The following BAZ2B variants were observed in gnomAD, a reference collection of about 807,000 sequenced individuals.
BAZ2B encodes bromodomain adjacent to zinc finger domain protein 2B.
In BAZ2B, 91 loss-of-function variants were observed where a neutral mutation model predicts 246.0. That is an observed-to-expected ratio of 0.37 (90% CI 0.31 to 0.44). BAZ2B has a LOEUF of 0.44. Ranked by LOEUF, BAZ2B falls within the 20% of genes least tolerant of loss-of-function variation. The pLI is 1.00. For synonymous variants in BAZ2B, 855 were observed against 860.0 expected (o/e 0.99, Z 0.10); for missense variants, 2,332 against 2,533.7 (o/e 0.92, Z 1.71).
Position 159,433,296 on chromosome 2 carries a change from ACCT to A in BAZ2B, c.1358_1360del (p.Lys453_Val454delinsIle). 2 of 1,614,088 alleles carry A rather than the reference ACCT, an allele frequency of 1.2e-6. No individual in the cohort carries two copies. Among genetic ancestry groups the A allele is most frequent in the Middle Eastern group, 3.3e-4 (2 of 6,062 alleles). ...TTTTGGATTTGACAAAGCTGCAATA[ACCT>A]TCTTCAGGCTCTTCGATGACTCTTG... On this transcript the variant is annotated inframe_deletion, in exon 9 of 37. Coordinates refer to ENST00000392783, the MANE Select transcript of BAZ2B (RefSeq NM_013450.4).
chr2:159,356,521 C>G (rs2059131101), intron 27 of BAZ2B, among the ~76,000 whole-genome samples: 1 of 152,170 alleles, frequency 6.6e-6, no homozygotes, highest in African/African-American at 2.4e-5. Flanking sequence ...TCCCATCTCC[C>G]TGGGGGAAGA....
intron 2 of BAZ2B, chr2:159,516,535 C>T (rs2083461712): frequency 6.6e-6 from 1 of 152,378 alleles, no homozygotes. Context: ...CAACCTCTCT[C>T]TCTCTCAGTT....
In BAZ2B at chr2:159,496,580, C is replaced by T. The variant is rs112519771; in HGVS notation, c.-2-17859G>A. Reference sequence around the variant, plus strand: ...GGCGGATCACCTGAGGTCGGGAGTTCGAGACCAGCCTGACCAACATGGAGA... The same window carrying T: ...GGCGGATCACCTGAGGTCGGGAGTTTGAGACCAGCCTGACCAACATGGAGA... On this transcript the variant is annotated intron_variant, in intron 2 of 36. Transcript: ENST00000392783. 3.7e-3 allele frequency among the ~76,000 whole-genome samples: 556 copies of T among 149,366 alleles called. 1 individual carries two copies. The highest frequency in any genetic ancestry group is 6.7e-3 in the Non-Finnish European group (451 of 67,472).
rs2063646461 is a variant in BAZ2B at position 159,325,884 on chromosome 2, T to C, written c.5978A>G (p.His1993Arg). 6.3e-7 allele frequency: 1 copy of C among 1,588,894 alleles called. No individual in the cohort carries two copies. Residue 1993 changes from histidine to arginine, a missense_variant, in exon 35 of 37, where the codon CAT becomes CGT. By Grantham distance (29) the His-to-Arg change is conservative. Around this residue, in one of 9 missense-constraint regions of BAZ2B, gnomAD observed 210 missense variants for 232.5 expected, o/e 0.90. Transcript: ENST00000392783. ...SGQTLKIKKL[H>R]VKGKKTNESK... ...CTCATTAGTCTTTTTTCCTTTGACA[T>C]GAAGTTTTTTGATTTTTAGAGTTTG...
the BAZ2B span, among the ~76,000 whole-genome samples, chr2:159,708,108 T>A: frequency 0.017 from 2,659 of 152,150 alleles, 40 homozygotes; most frequent in Middle Eastern, 0.034. Flanking sequence ...GCTTGGAGTT[T>A]GGGACCAGCC....
At chr2:159,457,315 T>C (rs2075897657) in intron 3 of BAZ2B, among the ~76,000 whole-genome samples, 1 of 152,204 alleles carries the variant, frequency 6.6e-6, no homozygotes, top group South Asian at 2.1e-4. Flanking sequence ...ATTTCAGTAT[T>C]ACAAATTGGT....
chr2:159,513,589 C>T (rs1559662713), intron 2 of BAZ2B, among the ~76,000 whole-genome samples: 1 of 152,150 alleles, frequency 6.6e-6, no homozygotes, highest in Non-Finnish European at 1.5e-5. Context: ...CTTCCAGCTG[C>T]CAAAACCCTT....
At chr2:159,595,382 T>C (rs1690448610) in intron 1 of BAZ2B, among the ~76,000 whole-genome samples, 1 of 152,128 alleles carries the variant, frequency 6.6e-6, no homozygotes, top group African/African-American at 2.4e-5. Flanking sequence ...GATTACAGGC[T>C]AAACATACAC....
At chr2:159,622,562 C>T in the BAZ2B span, among the ~76,000 whole-genome samples, 2 of 152,102 alleles carry the variant, frequency 1.3e-5, no homozygotes, top group African/African-American at 4.8e-5. Flanking sequence ...ACACCACAAG[C>T]AAACTATAAA....
Position 159,349,157 on chromosome 2 carries a change from CTTCT to C in BAZ2B, c.4983_4986del (p.Gly1663MetfsTer6). The C allele has an allele frequency of 6.2e-7, 1 of 1,614,020 alleles. No individual in the cohort carries two copies. Among genetic ancestry groups the C allele is most frequent in the Non-Finnish European group, 8.5e-7 (1 of 1,179,960 alleles). On this transcript the variant is annotated frameshift_variant, in exon 29 of 37. Coordinates refer to ENST00000392783, the MANE Select transcript of BAZ2B (RefSeq NM_013450.4). LOFTEE classifies it high-confidence loss of function. ...GAAGTCAAGAATGAATTACCATTTC[CTTCT>C]GATAACCCTAACCCCGATCCTAGAC... is the stretch of plus-strand genomic sequence containing the variant.
At chr2:159,389,931 C>T (rs1288460006) in intron 20 of BAZ2B, among the ~76,000 whole-genome samples, 1 of 152,094 alleles carries the variant, frequency 6.6e-6, no homozygotes, top group Admixed American at 6.6e-5. Context: ...TATTCACCAC[C>T]ATAAACAACA....
the BAZ2B span, among the ~76,000 whole-genome samples, chr2:159,632,430 C>T: frequency 6.6e-6 from 1 of 152,146 alleles, no homozygotes; most frequent in East Asian, 1.9e-4. Context: ...TATCTTCAAA[C>T]ATAAAATAAA....
chr2:159,335,954 A>C (rs2065595954), intron 33 of BAZ2B, among the ~76,000 whole-genome samples: 1 of 152,200 alleles, frequency 6.6e-6, no homozygotes, highest in Admixed American at 6.5e-5. Context: ...TGAGGTCAAG[A>C]GTTTGAGACT....
the BAZ2B span, among the ~76,000 whole-genome samples, chr2:159,644,364 T>A: frequency 0.077 from 11,662 of 152,210 alleles, 946 homozygotes; most frequent in African/African-American, 0.2. Context: ...GAGATAAGTG[T>A]GTTTGGCTTG....
intron 1 of BAZ2B, among the ~76,000 whole-genome samples, chr2:159,587,677 G>A (rs1688353990): frequency 6.6e-6 from 1 of 151,998 alleles, no homozygotes; most frequent in African/African-American, 2.4e-5. Flanking sequence ...ACCCCTCTCA[G>A]GGCTACCTTT....
At chr2:159,569,437 T>G (rs1269361992) in intron 1 of BAZ2B, among the ~76,000 whole-genome samples, 2 of 152,180 alleles carry the variant, frequency 1.3e-5, no homozygotes, top group Non-Finnish European at 2.9e-5. Context: ...AAGAAACAAA[T>G]TTAATGCTAA....
Position 159,530,927 on chromosome 2 carries a change from G to A in BAZ2B, c.-3+24896C>T, listed in dbSNP as rs1377913411. The stretch of plus-strand genomic sequence containing the variant: ...AAAGGCTGCAGTGAGCCAAGAATGC[G>A]CCACTGCACTCTAGCCTGGGCAACA... On this transcript the variant is annotated intron_variant, in intron 2 of 36. Transcript: ENST00000392783. Among the ~76,000 whole-genome samples the A allele has an allele frequency of 5.9e-5, 9 of 152,188 alleles. No homozygotes were observed. In the East Asian group the frequency reaches 1.3e-3, roughly 23 times the overall value.
chr2:159,562,732 C>T (rs1293062853), intron 1 of BAZ2B, among the ~76,000 whole-genome samples: 2 of 152,098 alleles, frequency 1.3e-5, no homozygotes, highest in African/African-American at 4.8e-5. Flanking sequence ...CCACAGTGAG[C>T]TTTGGGTTAA....
chr2:159,627,374 A>T, the BAZ2B span, among the ~76,000 whole-genome samples: 4 of 151,820 alleles, frequency 2.6e-5, no homozygotes, highest in East Asian at 1.9e-4. Context: ...AAAAAAAAAA[A>T]TTTCAGGCCA....
Sources: gnomAD v4.1 joint callset for allele counts (sites outside exome capture counted in the v4.1 genomes callset) on GRCh38, gnomAD v4.1.1 for gene constraint, gnomAD v4.1.1 regional missense constraint, MANE v1.5 for transcripts, NCBI Gene and HGNC (gene_info 2026-07-23, HGNC 2026-07-21) for gene names.